The following JAKMIP1 variants were observed in gnomAD, a reference collection of about 807,000 sequenced individuals.
The protein encoded by JAKMIP1 is janus kinase and microtubule interacting protein 1, also known as janus kinase and microtubule-interacting protein 1.
Under a neutral mutation model 113.0 loss-of-function variants are expected in JAKMIP1, and 33 were observed. That is an observed-to-expected ratio of 0.29 (90% CI 0.22 to 0.39). JAKMIP1 has a LOEUF of 0.39. Among genes scored for constraint, JAKMIP1 ranks in the 10% least tolerant of loss-of-function variants. JAKMIP1 has a pLI of 1.00. For synonymous variants in JAKMIP1, 480 were observed against 459.9 expected, an observed-to-expected ratio of 1.04 and a Z score of -0.56; for missense variants, 813 against 1,080.5, an observed-to-expected ratio of 0.75 and a Z score of 3.47.
chr4:6,171,399 CACCA>C (rs1724687054), intron 1 of JAKMIP1, among the ~76,000 whole-genome samples: 1 of 151,318 alleles, frequency 6.6e-6, no homozygotes, highest in Non-Finnish European at 1.5e-5. Context: ...TCACCATTAT[CACCA>C]ACCACCACCA....
rs1339755751 is a variant in JAKMIP1 at position 6,069,473 on chromosome 4, G to A, written c.1303-4465C>T. 7.2e-5 allele frequency among the ~76,000 whole-genome samples: 11 copies of A among 152,200 alleles called. No homozygotes were observed. Among genetic ancestry groups the A allele is most frequent in the Admixed American group, 7.2e-4 (11 of 15,276 alleles). ...CAGATTAAGATTCAGTTTTGGCCGG[G>A]CACAGTGGCTCATGCCTGTAATCCC... On this transcript the variant is annotated intron_variant, in intron 8 of 20. Transcript: ENST00000409021. This position sits in a 1 kb window ranked among gnomAD's most constrained non-coding sequence, Gnocchi z 4.5.
Position 6,183,137 on chromosome 4 carries a change from T to C in JAKMIP1, c.-148+17116A>G, listed in dbSNP as rs1578493638. On this transcript the variant is annotated intron_variant, in intron 1 of 20. Transcript: ENST00000409021. The surrounding 1 kb of genome is among the most constrained non-coding windows in gnomAD (Gnocchi z 5.3). ...GGCAGATAACAATACCACAGATATCTAGACACACAGATACAGGTGCCCTGC... is the reference window on the plus strand; with the variant it reads ...GGCAGATAACAATACCACAGATATCCAGACACACAGATACAGGTGCCCTGC... Among the ~76,000 whole-genome samples the C allele has an allele frequency of 6.6e-6, 1 of 152,182 alleles. No individual in the cohort carries two copies. The highest frequency in any genetic ancestry group is 2.1e-4 in the South Asian group (1 of 4,824).
intron 1 of JAKMIP1, among the ~76,000 whole-genome samples, chr4:6,160,579 T>G (rs1205946367): frequency 6.6e-6 from 1 of 152,020 alleles, no homozygotes; most frequent in African/African-American, 2.4e-5. Flanking sequence ...CAAACCCTCC[T>G]TTATCCTGGC....
intron 8 of JAKMIP1, among the ~76,000 whole-genome samples, chr4:6,073,728 G>A (rs1038132744): frequency 3.9e-5 from 6 of 152,200 alleles, no homozygotes; most frequent in East Asian, 1.9e-4. Context: ...GGTTCTGAGC[G>A]TTTAGATGAC....
At chr4:6,110,351 T>C (rs1159134626) in intron 2 of JAKMIP1, among the ~76,000 whole-genome samples, 1 of 151,926 alleles carries the variant, frequency 6.6e-6, no homozygotes, top group East Asian at 1.9e-4. Context: ...AAGGAGCCAA[T>C]CCTGACACCT....
Position 6,112,745 on chromosome 4 carries a change from C to G in JAKMIP1, c.106G>C (p.Glu36Gln). 1 of 1,613,978 alleles carries G rather than the reference C, an allele frequency of 6.2e-7. No homozygotes were observed. Among genetic ancestry groups the G allele is most frequent in the Non-Finnish European group, 8.5e-7 (1 of 1,179,994 alleles). ...ACCTTGCTTTTTTCCTGCTGGAACT[C>G]GATCTGAATGCTGGTCAGCTTGGCC... ...LRAKLTSIQI[E>Q]FQQEKSKVGK... is the part of the protein sequence containing the mutation. The change falls in exon 2 of 21, where the codon GAG (glutamate) becomes CAG (glutamine). Residue 36 changes from glutamate (E) to glutamine (Q), a missense_variant. Glu to Gln is a conservative substitution (Grantham distance 29). Around this residue, in one of 2 missense-constraint regions of JAKMIP1, gnomAD observed 540 missense variants for 653.9 expected, o/e 0.83. Transcript: ENST00000409021.
intron 1 of JAKMIP1, among the ~76,000 whole-genome samples, chr4:6,125,411 C>T (rs1397199582): frequency 1.3e-5 from 2 of 152,144 alleles, no homozygotes; most frequent in African/African-American, 4.8e-5. Context: ...TCTCCCAGCT[C>T]CATCTATGGC....
At chr4:6,033,573 C>T (rs1713019017) in intron 19 of JAKMIP1, among the ~76,000 whole-genome samples, 1 of 152,168 alleles carries the variant, frequency 6.6e-6, no homozygotes, top group South Asian at 2.1e-4. Flanking sequence ...TGTACCCATT[C>T]TACAGACAAG....
intron 20 of JAKMIP1, 119 bp downstream of exon 20, chr4:6,029,597 G>A: frequency 1.4e-6 from 1 of 692,476 alleles, no homozygotes; most frequent in South Asian, 1.7e-5. Context: ...AGGGGAAGAA[G>A]GGCAGAGAAA....
Position 6,108,331 on chromosome 4 carries a change from T to C in JAKMIP1, c.130-2364A>G, listed in dbSNP as rs1714313768. On this transcript the variant is annotated intron_variant, in intron 2 of 20. Transcript: ENST00000409021. This position sits in a 1 kb window ranked among gnomAD's most constrained non-coding sequence, Gnocchi z 5.6. The stretch of plus-strand genomic sequence containing the variant: ...AGGCCAAAAAAAGCCGCCCAGCACT[T>C]TACCTCCAGGTGCCTCCAAGCTACC... 6.6e-6 allele frequency among the ~76,000 whole-genome samples: 1 copy of C among 152,056 alleles called. No individual in the cohort carries two copies. The highest frequency in any genetic ancestry group is 6.5e-5 in the Admixed American group (1 of 15,282).
chr4:6,155,486 T>G lies in JAKMIP1; in HGVS notation c.-147-42489A>C, dbSNP rs1458864594. On this transcript the variant is annotated intron_variant, in intron 1 of 20. Coordinates refer to ENST00000409021, the MANE Select transcript of JAKMIP1 (RefSeq NM_001099433.2). This position sits in a 1 kb window ranked among gnomAD's most constrained non-coding sequence, Gnocchi z 6.1. ...TAAGCGGGACTCAAATCCAGACAGTTTGGTTCCAGGGTGGGTTATGGTGGT... is the reference window on the plus strand; with the variant it reads ...TAAGCGGGACTCAAATCCAGACAGTGTGGTTCCAGGGTGGGTTATGGTGGT... 2.6e-5 allele frequency among the ~76,000 whole-genome samples: 4 copies of G among 152,164 alleles called. No homozygotes were observed. The highest frequency in any genetic ancestry group is 5.9e-5 in the Non-Finnish European group (4 of 68,014).
chr4:6,124,185 C>G (rs982862769), intron 1 of JAKMIP1, among the ~76,000 whole-genome samples: 1 of 152,182 alleles, frequency 6.6e-6, no homozygotes, highest in Non-Finnish European at 1.5e-5. Flanking sequence ...GCCGTGCGGA[C>G]GGCACCACGT....
At chr4:6,070,883 A>G (rs1718865919) in intron 8 of JAKMIP1, among the ~76,000 whole-genome samples, 2 of 152,354 alleles carry the variant, frequency 1.3e-5, no homozygotes, top group South Asian at 4.1e-4. Flanking sequence ...TCACCTGCCC[A>G]GAAGGGATGT....
In JAKMIP1 at chr4:6,031,947, C is replaced by T. The variant is rs965870381; in HGVS notation, c.2380-2166G>A. ...TTAAACTGATAATTTTCTACTCTCT[C>T]CCACCCGAAGGGAACTGTGTGACCT... On this transcript the variant is annotated intron_variant, in intron 19 of 20. Coordinates refer to ENST00000409021, the MANE Select transcript of JAKMIP1 (RefSeq NM_001099433.2). This position sits in a 1 kb window ranked among gnomAD's most constrained non-coding sequence, Gnocchi z 4.4. Among the ~76,000 whole-genome samples the T allele has an allele frequency of 5.3e-5, 8 of 152,218 alleles. No individual in the cohort carries two copies. Among genetic ancestry groups the T allele is most frequent in the Non-Finnish European group, 1.2e-4 (8 of 68,044 alleles).
intron 16 of JAKMIP1, among the ~76,000 whole-genome samples, chr4:6,046,734 G>T (rs1466326776): frequency 6.6e-6 from 1 of 152,224 alleles, no homozygotes; most frequent in Non-Finnish European, 1.5e-5. Context: ...GATGCCCAGA[G>T]GATGAGGAGC....
chr4:6,127,607 C>A (rs559903190), intron 1 of JAKMIP1, among the ~76,000 whole-genome samples: 58 of 152,294 alleles, frequency 3.8e-4, no homozygotes, highest in African/African-American at 1.3e-3. Context: ...GGTGGCCCCG[C>A]ACCGTGTGAA....
chr4:6,050,259 C>T lies in JAKMIP1; in HGVS notation c.1908+319G>A, dbSNP rs1715489042. Among the ~76,000 whole-genome samples, 1 of 152,194 alleles carries T rather than the reference C, an allele frequency of 6.6e-6. No homozygotes were observed. Among genetic ancestry groups the T allele is most frequent in the Non-Finnish European group, 1.5e-5 (1 of 68,038 alleles). On this transcript the variant is annotated intron_variant, in intron 14 of 20. Transcript: ENST00000409021. The surrounding 1 kb of genome is among the most constrained non-coding windows in gnomAD (Gnocchi z 7.4). ...GGAGTCTGTTCATGATGTGTCATCA[C>T]CCCAGCTTCACGGTGTGGGTATTGT...
rs750230314 is a variant in JAKMIP1, at chr4:6,044,293, C to A, written c.2029-2066G>T. Among the ~76,000 whole-genome samples the A allele has an allele frequency of 6.6e-6, 1 of 152,166 alleles. No homozygotes were observed. The highest frequency in any genetic ancestry group is 2.4e-5 in the African/African-American group (1 of 41,444). Reference sequence around the variant, plus strand: ...TGCCTGGCACAGGGCTTGACACAAGCAGGTGCCTAATAAACTTCTGTCGAA... The same window carrying A: ...TGCCTGGCACAGGGCTTGACACAAGAAGGTGCCTAATAAACTTCTGTCGAA... On this transcript the variant is annotated intron_variant, in intron 16 of 20. Coordinates refer to ENST00000409021, the MANE Select transcript of JAKMIP1 (RefSeq NM_001099433.2). This position sits in a 1 kb window ranked among gnomAD's most constrained non-coding sequence, Gnocchi z 4.4.
At chr4:6,190,356 C>A (rs1444556279) in intron 1 of JAKMIP1, among the ~76,000 whole-genome samples, 1 of 152,174 alleles carries the variant, frequency 6.6e-6, no homozygotes, top group Non-Finnish European at 1.5e-5. Flanking sequence ...TCTACTTATT[C>A]AACAAAAACC....
Sources: allele counts gnomAD v4.1 joint callset (sites outside exome capture counted in the v4.1 genomes callset), GRCh38; gene constraint gnomAD v4.1.1; regional missense constraint gnomAD v4.1.1; non-coding constraint Gnocchi (gnomAD v3.1); transcripts MANE v1.5; gene names NCBI Gene and HGNC (gene_info 2026-07-23, HGNC 2026-07-21).